Variants in TESK2 observed in about 807,000 individuals in gnomAD.
The protein encoded by TESK2 is dual specificity testis-specific protein kinase 2.
Under a neutral mutation model 57.1 loss-of-function variants are expected in TESK2, and 39 were observed. The observed-to-expected ratio is 0.68, with a 90% confidence interval of 0.53 to 0.89. TESK2 has a LOEUF of 0.89. Ranked by LOEUF, TESK2 falls within the 40% of genes least tolerant of loss-of-function variation. The probability of loss-of-function intolerance (pLI) is 0.00; values close to 1 mark genes in which losing one functional copy is unlikely to be tolerated. For synonymous variants in TESK2, 249 were observed against 267.9 expected (o/e 0.93, Z 0.69); for missense variants, 646 against 732.1 (o/e 0.88, Z 1.36).
At chr1:45,348,491 A>G (rs1647182174) in intron 5 of TESK2, among the ~76,000 whole-genome samples, 1 of 151,726 alleles carries the variant, frequency 6.6e-6, no homozygotes, top group Non-Finnish European at 1.5e-5. Context: ...ATCACAACCA[A>G]CCTCTTCTCT....
rs192446906 is a variant in TESK2 at position 45,484,985 on chromosome 1, C to G, written c.-87+5867G>C. ...GGCGGAGCTTGCAGTGAGCCGAGATCGCGCCACTGCACTCCAGCCTGGGCA... is the reference window on the plus strand; with the variant it reads ...GGCGGAGCTTGCAGTGAGCCGAGATGGCGCCACTGCACTCCAGCCTGGGCA... On this transcript the variant is annotated intron_variant, in intron 1 of 10. Transcript: ENST00000372086. Among the ~76,000 whole-genome samples, 196 of 139,558 alleles carry G rather than the reference C, an allele frequency of 1.4e-3. 2 individuals carry two copies. Among genetic ancestry groups the G allele is most frequent in the Admixed American group, 0.012 (166 of 14,116 alleles). 91.6% of individuals were successfully genotyped at this position (139,558 alleles called of 152,430 possible). A position where few individuals can be genotyped will look rare whatever the true frequency, so the allele number is the denominator to read the frequency against.
intron 3 of TESK2, among the ~76,000 whole-genome samples, chr1:45,410,799 C>A (rs1650013282): frequency 6.6e-6 from 1 of 151,574 alleles, no homozygotes; most frequent in Admixed American, 6.6e-5. Flanking sequence ...CATGGTCTCA[C>A]TATATCACCC....
At chr1:45,379,882 T>C (rs1424728411) in intron 4 of TESK2, among the ~76,000 whole-genome samples, 1 of 151,962 alleles carries the variant, frequency 6.6e-6, no homozygotes, top group Admixed American at 6.6e-5. Flanking sequence ...ATAAGAATAG[T>C]TTATTTTTTT....
intron 2 of TESK2, among the ~76,000 whole-genome samples, chr1:45,454,248 G>A (rs1252364020): frequency 6.6e-6 from 1 of 152,026 alleles, no homozygotes. Context: ...GTTGCCAGGG[G>A]TTGGGGGGAA....
chr1:45,489,159 C>T (rs542856782), intron 1 of TESK2, among the ~76,000 whole-genome samples: 1 of 150,656 alleles, frequency 6.6e-6, no homozygotes, highest in Non-Finnish European at 1.5e-5. Context: ...AGCTTCTTAA[C>T]TCTCATTCAG....
chr1:45,420,700 T>C (rs1650436955), intron 3 of TESK2, among the ~76,000 whole-genome samples: 1 of 151,266 alleles, frequency 6.6e-6, no homozygotes, highest in South Asian at 2.1e-4. Flanking sequence ...TTCTCCTGCC[T>C]CAGCCTCCCA....
intron 5 of TESK2, among the ~76,000 whole-genome samples, chr1:45,354,865 A>G (rs941624948): frequency 1.4e-5 from 2 of 142,812 alleles, no homozygotes; most frequent in African/African-American, 5.2e-5. Context: ...CTCACTCAGC[A>G]CTGAAAGGAA....
intron 3 of TESK2, among the ~76,000 whole-genome samples, chr1:45,406,423 A>G (rs932766903): frequency 5.3e-5 from 8 of 152,150 alleles, no homozygotes; most frequent in African/African-American, 1.7e-4. Context: ...AAGTGGGATG[A>G]TCACTTGAGG....
chr1:45,488,211 C>T (rs981799203), intron 1 of TESK2, among the ~76,000 whole-genome samples: 11 of 152,182 alleles, frequency 7.2e-5, no homozygotes, highest in African/African-American at 9.7e-5. Flanking sequence ...TGAGCCACTA[C>T]ACCTGGCCAA....
intron 3 of TESK2, among the ~76,000 whole-genome samples, chr1:45,390,578 G>GT (rs35041752): frequency 0.06 from 8,541 of 143,496 alleles, 887 homozygotes; most frequent in African/African-American, 0.2. Context: ...TGTTTCTAAG[G>GT]TTTTTTTTTT....
At chr1:45,421,670 C>G (rs748287338) in intron 3 of TESK2, 55 bp downstream of exon 3, 1 of 1,608,084 alleles carries the variant, frequency 6.2e-7, no homozygotes, top group African/African-American at 1.3e-5. Flanking sequence ...GCTATTCTAG[C>G]AAGCCTCCAA....
At chr1:45,424,899 T>A (rs754746853) in intron 2 of TESK2, among the ~76,000 whole-genome samples, 17 of 151,968 alleles carry the variant, frequency 1.1e-4, no homozygotes, top group Non-Finnish European at 1.8e-4. Context: ...AAAAACTAGG[T>A]ATAGAAGGAA....
At chr1:45,394,677 C>CTTTTT (rs1405021042) in intron 3 of TESK2, among the ~76,000 whole-genome samples, 1 of 93,068 alleles carries the variant, frequency 1.1e-5, no homozygotes, top group Non-Finnish European at 2.2e-5. Flanking sequence ...CAACAGGAAA[C>CTTTTT]TCTTTTTTTT....
intron 4 of TESK2, among the ~76,000 whole-genome samples, chr1:45,362,993 A>G (rs1647754351): frequency 6.6e-6 from 1 of 152,186 alleles, no homozygotes; most frequent in South Asian, 2.1e-4. Flanking sequence ...TGAGGCTGGG[A>G]GAAGAGTTAG....
At position 45,463,611 on chromosome 1, in the gene TESK2, T is replaced by A. The variant is rs543773111; in HGVS notation, c.-86-5740A>T. Among the ~76,000 whole-genome samples, 5 of 152,232 alleles carry A rather than the reference T, an allele frequency of 3.3e-5. No homozygotes were observed. The East Asian group carries it at 9.6e-4, about 29-fold the overall frequency. On this transcript the variant is annotated intron_variant, in intron 1 of 10. Coordinates refer to ENST00000372086, the MANE Select transcript of TESK2 (RefSeq NM_007170.3). ...GTTTTTGTTTTGTTTTGAGACAGGG[T>A]CTCACTCTGTTGCCCAGGCTGGAAT...
At chr1:45,377,509 C>T (rs1453895754) in intron 4 of TESK2, among the ~76,000 whole-genome samples, 1 of 150,184 alleles carries the variant, frequency 6.7e-6, no homozygotes, top group Non-Finnish European at 1.5e-5. Flanking sequence ...ACCTCTGCCT[C>T]CCAGGCTCAA....
chr1:45,370,768 G>A (rs1648144869), intron 4 of TESK2, among the ~76,000 whole-genome samples: 1 of 152,156 alleles, frequency 6.6e-6, no homozygotes, highest in Admixed American at 6.5e-5. Flanking sequence ...GTAGCACACA[G>A]TTGAGACAGG....
chr1:45,422,759 T>TTTGTTGTTGTTGTTGTTGTTGTTATTG (rs140964940), intron 2 of TESK2, among the ~76,000 whole-genome samples: 1 of 146,890 alleles, frequency 6.8e-6, no homozygotes, highest in Non-Finnish European at 1.5e-5. Context: ...TGTCTGGTTT[T>TTTGTTGTTGTTGTTGTTGTTGTTATTG]TTGTTGTTGT....
rs139392285 is a variant in TESK2, at chr1:45,393,204, G to C, written c.345-7244C>G. Among the ~76,000 whole-genome samples the C allele has an allele frequency of 3.6e-3, 541 of 152,146 alleles. 2 individuals carry two copies. Among genetic ancestry groups the C allele is most frequent in the Admixed American group, 5.8e-3 (88 of 15,274 alleles). Reference sequence around the variant, plus strand: ...TTCCTCCCAGGCCCACTATTATTTTGACCACACCATCTACAGAGATGTCAT... The same window carrying C: ...TTCCTCCCAGGCCCACTATTATTTTCACCACACCATCTACAGAGATGTCAT... On this transcript the variant is annotated intron_variant, in intron 3 of 10. Transcript: ENST00000372086.
Sources: gnomAD v4.1 joint callset for allele counts (sites outside exome capture counted in the v4.1 genomes callset) on GRCh38, gnomAD v4.1.1 for gene constraint, MANE v1.5 for transcripts, NCBI Gene and HGNC (gene_info 2026-07-23, HGNC 2026-07-21) for gene names.